CTBP1: variants seen among roughly 807,000 people sequenced by gnomAD.
CTBP1 encodes the protein C-terminal binding protein 1, also known as C-terminal-binding protein 1.
Under a neutral mutation model 42.1 loss-of-function variants are expected in CTBP1, and 11 were observed. The observed-to-expected ratio is 0.26, with a 90% CI of 0.16 to 0.43. The LOEUF is 0.43. Among genes scored for constraint, CTBP1 ranks in the 20% least tolerant of loss-of-function variants. The pLI, the probability that CTBP1 is intolerant of heterozygous loss-of-function variation, is 1.00. For missense variants in CTBP1, 399 were observed against 624.3 expected (o/e 0.64, Z 3.85); for synonymous variants, 324 against 277.1 (o/e 1.17, Z -1.68).
intron 1 of CTBP1, chr4:1,242,089 G>A (rs1285905749): frequency 2.1e-5 from 21 of 985,362 alleles, no homozygotes; most frequent in Middle Eastern, 5.2e-4. Context: ...TCCTGGCGAC[G>A]CTCCCTCAAT....
At chr4:1,229,517 G>C (rs574861484) in intron 3 of CTBP1, among the ~76,000 whole-genome samples, 1 of 152,216 alleles carries the variant, frequency 6.6e-6, no homozygotes, top group Non-Finnish European at 1.5e-5. Flanking sequence ...TACTCCTGAC[G>C]GATCAATGGC....
chr4:1,246,405 C>T (rs1732728693), intron 1 of CTBP1, among the ~76,000 whole-genome samples: 1 of 152,230 alleles, frequency 6.6e-6, no homozygotes, highest in African/African-American at 2.4e-5. Flanking sequence ...CCGTCAGCAC[C>T]ACCTGGATGG....
rs1288274028 is a variant in CTBP1, at chr4:1,235,330, CCCCAGCAGACGCT to C, written c.162+2840_162+2852del. The C allele has an allele frequency of 6.6e-6, 1 of 152,216 alleles. No individual in the cohort carries two copies. Among genetic ancestry groups the C allele is most frequent in the Non-Finnish European group, 1.5e-5 (1 of 68,044 alleles). 9.4% of individuals were successfully genotyped at this position (152,216 alleles called of 1,614,324 possible). On this transcript the variant is annotated intron_variant, in intron 3 of 9. Transcript: ENST00000382952. The surrounding 1 kb of genome is among the most constrained non-coding windows in gnomAD (Gnocchi z 4.2). ...CATGAAGAATCTTCCAGAGCGAACG[CCCCAGCAGACGCT>C]CCCGGCAGACCACGCGCATTTTTAA...
In CTBP1 at chr4:1,212,127, G is replaced by A. The variant is rs937249430; in HGVS notation, c.*113C>T. ...GCCCCCTCCCGCCTCCTGACAGCCC[G>A]GACCAGTCTCTGCAGTGCCAGGGCC... On this transcript the variant is annotated 3_prime_UTR_variant, in exon 10 of 10. Transcript: ENST00000382952. The A allele has an allele frequency of 9.3e-5, 87 of 937,350 alleles. No homozygotes were observed. The highest frequency in any genetic ancestry group is 1.2e-4 in the Admixed American group (3 of 24,962). 58.1% of individuals were successfully genotyped at this position (937,350 alleles called of 1,614,324 possible). A position where few individuals can be genotyped will look rare whatever the true frequency, so the allele number is the denominator to read the frequency against.
intron 7 of CTBP1, 150 bp from the exon 8 acceptor site, chr4:1,213,755 T>A: frequency 1.9e-6 from 2 of 1,031,930 alleles, no homozygotes; most frequent in Non-Finnish European, 1.4e-6. Flanking sequence ...CTGGCTGAGC[T>A]CAAGAGCACA....
intron 1 of CTBP1, chr4:1,242,048 C>T (rs771752488): frequency 5.4e-5 from 53 of 988,522 alleles, no homozygotes; most frequent in East Asian, 1.1e-4. Flanking sequence ...TGCACTGAGC[C>T]GCGCCGGCTC....
At chr4:1,241,658 C>A in intron 1 of CTBP1, 139 bp from the exon 2 acceptor site, 2 of 1,315,696 alleles carry the variant, frequency 1.5e-6, no homozygotes, top group Non-Finnish European at 9.8e-7. Flanking sequence ...TACCTGGACT[C>A]GGGGGCCTGC....
intron 1 of CTBP1, among the ~76,000 whole-genome samples, chr4:1,247,218 A>G (rs1732805042): frequency 6.6e-6 from 1 of 152,246 alleles, no homozygotes; most frequent in Non-Finnish European, 1.5e-5. Flanking sequence ...GAAGAAGTGC[A>G]TGTTGGGGAC....
At chr4:1,222,539 G>A (rs917246766) in intron 5 of CTBP1, among the ~76,000 whole-genome samples, 1 of 152,138 alleles carries the variant, frequency 6.6e-6, no homozygotes, top group African/African-American at 2.4e-5. Flanking sequence ...AACCTGCCAG[G>A]TCCACCCTGC....
chr4:1,239,233 C>T lies in CTBP1; in HGVS notation c.8-896G>A, dbSNP rs1256260838. ...CTGAGGCGTCACAGAAGCATGGCAG[C>T]TTCCAGGCACCGCCCGACCGCCCCG... On this transcript the variant is annotated intron_variant, in intron 2 of 9. Coordinates refer to ENST00000382952, the MANE Select transcript of CTBP1 (RefSeq NM_001012614.2). Among the ~76,000 whole-genome samples, 7 of 152,232 alleles carry T rather than the reference C, an allele frequency of 4.6e-5. No homozygotes were observed. The East Asian group carries it at 1.3e-3, about 29-fold the overall frequency.
chr4:1,225,616 G>A lies in CTBP1; in HGVS notation c.308-50C>T, dbSNP rs1020003073. 2.0e-5 allele frequency: 30 copies of A among 1,502,932 alleles called. No homozygotes were observed. The Middle Eastern group carries it at 7.2e-4, about 36-fold the overall frequency. The allele number at this position is 1,502,932 out of a possible 1,614,324, so 93.1% of individuals were successfully genotyped here. A position where few individuals can be genotyped will look rare whatever the true frequency, so the allele number is the denominator to read the frequency against. ...CACCCCCGGGCCGGGCCCAGCCTCC[G>A]GGAGGACACCGGGGCCGCCGTGACT... On this transcript the variant is annotated intron_variant, in intron 4 of 9. Transcript: ENST00000382952.
intron 4 of CTBP1, 97 bp from the exon 5 acceptor site, chr4:1,225,663 A>G (rs1577040994): frequency 1.1e-5 from 14 of 1,303,870 alleles, no homozygotes; most frequent in Middle Eastern, 2.4e-4. Flanking sequence ...GAAGCTTCCC[A>G]AGGAAGAAGC....
At chr4:1,236,102 C>A (rs1280521237) in intron 3 of CTBP1, 5 of 154,394 alleles carry the variant, frequency 3.2e-5, no homozygotes, top group Non-Finnish European at 5.7e-5. Flanking sequence ...TCCAGAACAG[C>A]CAACACCCCA....
At chr4:1,237,895 C>T (rs1731730001) in intron 3 of CTBP1, 1 of 700,818 alleles carries the variant, frequency 1.4e-6, no homozygotes, top group East Asian at 2.7e-5. Context: ...GAATGTCCAC[C>T]TCCTGATGGG....
intron 2 of CTBP1, among the ~76,000 whole-genome samples, chr4:1,239,167 G>A (rs3755937): frequency 7.0e-4 from 106 of 152,294 alleles, no homozygotes; most frequent in Non-Finnish European, 2.9e-5. Context: ...CGCGTATGAC[G>A]CAACTAAGCC....
At position 1,233,974 on chromosome 4, in the gene CTBP1, G is replaced by C. The variant is rs1377796596; in HGVS notation, c.162+4209C>G. ...CCTGCCTCCTGCCTTGTTGCTCCAC[G>C]GTTCCCAGCACGTGGCTCCCCTCAC... On this transcript the variant is annotated intron_variant, in intron 3 of 9. Coordinates refer to ENST00000382952, the MANE Select transcript of CTBP1 (RefSeq NM_001012614.2). This position sits in a 1 kb window ranked among gnomAD's most constrained non-coding sequence, Gnocchi z 4.6. Among the ~76,000 whole-genome samples, 3 of 152,172 alleles carry C rather than the reference G, an allele frequency of 2.0e-5. No individual in the cohort carries two copies. The highest frequency in any genetic ancestry group is 7.2e-5 in the African/African-American group (3 of 41,434).
At chr4:1,227,690 G>A (rs1228604337) in intron 4 of CTBP1, among the ~76,000 whole-genome samples, 1 of 151,494 alleles carries the variant, frequency 6.6e-6, no homozygotes, top group Non-Finnish European at 1.5e-5. Flanking sequence ...TGTGCTGAGT[G>A]CACATGCACG....
chr4:1,241,491 C>CT lies in CTBP1; in HGVS notation c.-161dup. 1 of 1,604,852 alleles carries CT rather than the reference C, an allele frequency of 6.2e-7. No individual in the cohort carries two copies. The highest frequency in any genetic ancestry group is 1.1e-5 in the South Asian group (1 of 90,566). ...TCAGGCTTCTGATCCGCGGCAATCA[C>CT]TGAAGCCTGCGTCGGGGTCAAAGTC... is the stretch of plus-strand genomic sequence containing the variant. On this transcript the variant is annotated 5_prime_UTR_variant, in exon 2 of 10. Transcript: ENST00000382952.
At chr4:1,225,612 C>G in intron 4 of CTBP1, 46 bp from the exon 5 acceptor site, 1 of 1,509,960 alleles carries the variant, frequency 6.6e-7, no homozygotes. Flanking sequence ...CGGGCCCAGC[C>G]TCCGGGAGGA....
Sources: gnomAD v4.1 joint callset for allele counts (sites outside exome capture counted in the v4.1 genomes callset) on GRCh38, gnomAD v4.1.1 for gene constraint, Gnocchi (gnomAD v3.1) non-coding constraint, MANE v1.5 for transcripts, NCBI Gene and HGNC (gene_info 2026-07-23, HGNC 2026-07-21) for gene names.